Variants in ZC4H2 observed in about 807,000 individuals in gnomAD.
ZC4H2 encodes the protein zinc finger C4H2-type containing.
For synonymous variants in ZC4H2, 84 were observed against 66.3 expected (o/e 1.27, Z -1.30); for missense variants, 137 against 173.9 (o/e 0.79, Z 1.19).
intron 1 of ZC4H2, among the ~76,000 whole-genome samples, chrX:64,922,993 T>C (rs926706514): frequency 2.7e-5 from 3 of 111,929 alleles, no homozygotes; most frequent in African/African-American, 9.8e-5. Flanking sequence ...GTTTTGGTCA[T>C]TAAATCCCAA....
upstream of ZC4H2, among the ~76,000 whole-genome samples, chrX:64,978,550 C>T (rs1244547208): frequency 1.8e-5 from 2 of 111,603 alleles, no homozygotes; most frequent in African/African-American, 3.3e-5. Context: ...CTGATATGTA[C>T]AATCTATCAT....
intron 1 of ZC4H2, among the ~76,000 whole-genome samples, chrX:64,923,032 T>C (rs1156555334): frequency 9.0e-6 from 1 of 111,597 alleles, no homozygotes; most frequent in African/African-American, 3.3e-5. Flanking sequence ...AGGAATCCTA[T>C]ACTTGGGAAT....
chrX:64,924,741 A>C (rs1038603806), intron 1 of ZC4H2, among the ~76,000 whole-genome samples: 1 of 111,080 alleles, frequency 9.0e-6, no homozygotes, highest in Non-Finnish European at 1.9e-5. Flanking sequence ...TAATGGCCCC[A>C]CAGAAGAAGA....
chrX:65,012,211 G>GGGC (rs1932760535), intron 1 of ZC4H2, among the ~76,000 whole-genome samples: 1 of 61,080 alleles, frequency 1.6e-5, no homozygotes. Flanking sequence ...CTGGGTGACA[G>GGGC]AAGACCCCGT....
intron 1 of ZC4H2, among the ~76,000 whole-genome samples, chrX:65,008,778 T>TA (rs761828735): frequency 1.8e-5 from 2 of 111,632 alleles, no homozygotes; most frequent in East Asian, 5.7e-4. Context: ...CTCATGGAGA[T>TA]AGAGTAGAAT....
At chrX:64,920,661 A>G (rs1929157687) in intron 2 of ZC4H2, among the ~76,000 whole-genome samples, 1 of 112,345 alleles carries the variant, frequency 8.9e-6, no homozygotes, top group Non-Finnish European at 1.9e-5. Flanking sequence ...CTGGGGAAAT[A>G]CTTCTTAGTA....
intron 1 of ZC4H2, among the ~76,000 whole-genome samples, chrX:64,961,070 T>A (rs1442722752): frequency 9.0e-6 from 1 of 111,626 alleles, no homozygotes. Flanking sequence ...ACTATTATTG[T>A]CTTTCTGTCT....
intron 1 of ZC4H2, among the ~76,000 whole-genome samples, chrX:64,928,666 CTTCTT>C (rs199660835): frequency 0.023 from 2,417 of 103,810 alleles, 33 homozygotes; most frequent in Non-Finnish European, 0.036. Context: ...TCTTCTTCTT[CTTCTT>C]CTTCTTCTTC....
chrX:64,925,314 T>G (rs1929381299), intron 1 of ZC4H2, among the ~76,000 whole-genome samples: 1 of 112,244 alleles, frequency 8.9e-6, no homozygotes, highest in Non-Finnish European at 1.9e-5. Context: ...TTGGGTACAA[T>G]GTTCACTATT....
intron 1 of ZC4H2, among the ~76,000 whole-genome samples, chrX:64,970,681 C>T (rs948266327): frequency 6.3e-5 from 7 of 111,554 alleles, no homozygotes; most frequent in African/African-American, 9.8e-5. Flanking sequence ...TTGGAGAAGA[C>T]GAGGCATTTC....
At chrX:65,034,015 G>A (rs1383534941) in intron 1 of ZC4H2, among the ~76,000 whole-genome samples, 5 of 105,091 alleles carry the variant, frequency 4.8e-5, no homozygotes, top group Non-Finnish European at 5.8e-5. Flanking sequence ...CTTGAACCCA[G>A]AAGTAAGAGA....
At chrX:64,991,511 G>C (rs761576696) in intron 1 of ZC4H2, among the ~76,000 whole-genome samples, 2 of 111,846 alleles carry the variant, frequency 1.8e-5, no homozygotes, top group Non-Finnish European at 3.8e-5. Context: ...AGAAGTTCAA[G>C]ACCAGGCTGA....
chrX:64,981,050 G>A (rs986748614), upstream of ZC4H2, among the ~76,000 whole-genome samples: 1 of 109,612 alleles, frequency 9.1e-6, no homozygotes, highest in African/African-American at 3.3e-5. Context: ...TCTGGAGGAA[G>A]AGTGCTCCAG....
At chrX:65,010,581 A>T (rs1200094015) in intron 1 of ZC4H2, among the ~76,000 whole-genome samples, 2 of 111,795 alleles carry the variant, frequency 1.8e-5, no homozygotes, top group Non-Finnish European at 3.8e-5. Context: ...TTAGGGGATG[A>T]GATACTTTGT....
rs1300890435 is a variant in ZC4H2, at chrX:64,916,113, C to T, written c.*1670G>A. The T allele has an allele frequency of 8.9e-6, 1 of 112,022 alleles. No homozygotes were observed. Among genetic ancestry groups the T allele is most frequent in the Non-Finnish European group, 1.9e-5 (1 of 53,221 alleles). The allele number at this position is 112,022 out of a possible 1,213,427, so 9.2% of individuals were successfully genotyped here. On this transcript the variant is annotated 3_prime_UTR_variant, in exon 5 of 5. Coordinates refer to ENST00000374839, the MANE Select transcript of ZC4H2 (RefSeq NM_018684.4). ...AAATCCTGCAATTTCCTCTTACTAGCTGTTTAACTCTGAAAAAGCTTTTAA... is the reference window on the plus strand; with the variant it reads ...AAATCCTGCAATTTCCTCTTACTAGTTGTTTAACTCTGAAAAAGCTTTTAA...
At chrX:64,962,089 G>C (rs1488812266) in intron 1 of ZC4H2, among the ~76,000 whole-genome samples, 2 of 111,264 alleles carry the variant, frequency 1.8e-5, no homozygotes, top group African/African-American at 6.5e-5. Flanking sequence ...TAATAATAAA[G>C]CTAGATGAAG....
chrX:64,962,214 C>T (rs935622597), intron 1 of ZC4H2, among the ~76,000 whole-genome samples: 1 of 111,488 alleles, frequency 9.0e-6, no homozygotes, highest in Non-Finnish European at 1.9e-5. Flanking sequence ...TCATACAACA[C>T]GGCCAGTGGA....
rs764547884 is a variant in ZC4H2, at chrX:65,010,040, G to A, written c.-272+24589C>T. 1.4e-3 allele frequency among the ~76,000 whole-genome samples: 156 copies of A among 112,329 alleles called. 2 individuals are homozygous for A. The highest frequency in any genetic ancestry group is 4.6e-3 in the Middle Eastern group (1 of 218). On this transcript the variant is annotated intron_variant, in intron 1 of 4. Coordinates refer to the ZC4H2 transcript ENST00000337990. ...TGAGAATTATTGAACTCACATTCTT[G>A]AATAAAGACAATGACTTTTTACTAT...
chrX:64,983,967 A>G (rs975003903), intron 1 of ZC4H2, among the ~76,000 whole-genome samples: 20 of 111,491 alleles, frequency 1.8e-4, no homozygotes, highest in Non-Finnish European at 1.3e-4. Context: ...TTGGGGGTAC[A>G]TGTGCTTGTT....
Sources: allele counts gnomAD v4.1 joint callset (sites outside exome capture counted in the v4.1 genomes callset), GRCh38; gene constraint gnomAD v4.1.1; transcripts MANE v1.5; gene names NCBI Gene and HGNC (gene_info 2026-07-23, HGNC 2026-07-21).